Variants in LDB2 observed in about 807,000 individuals in gnomAD.
LDB2 encodes LIM domain binding 2.
LDB2 carries 12 observed loss-of-function variants against 44.3 expected under a neutral mutation model. That is an observed-to-expected ratio of 0.27 (90% CI 0.17 to 0.44). LDB2 has a LOEUF of 0.44. LDB2 is among the 20% of genes least tolerant of loss of function. The probability of loss-of-function intolerance (pLI) is 1.00; values close to 1 mark genes in which losing one functional copy is unlikely to be tolerated. For missense variants in LDB2, 344 were observed against 473.5 expected (o/e 0.73, Z 2.54); for synonymous variants, 164 against 174.8 (o/e 0.94, Z 0.49).
chr4:16,785,947 A>G (rs1774331222), intron 1 of LDB2, among the ~76,000 whole-genome samples: 2 of 152,180 alleles, frequency 1.3e-5, no homozygotes, highest in Admixed American at 6.5e-5. Flanking sequence ...GACTCTCCCC[A>G]AAATGAATTA....
At chr4:16,669,551 G>A (rs774280108) in intron 2 of LDB2, among the ~76,000 whole-genome samples, 10 of 152,138 alleles carry the variant, frequency 6.6e-5, no homozygotes, top group Non-Finnish European at 8.8e-5. Flanking sequence ...TCTCATATAC[G>A]TTGACAAATA....
intron 5 of LDB2, among the ~76,000 whole-genome samples, chr4:16,553,226 C>T (rs561981928): frequency 1.3e-5 from 2 of 152,184 alleles, no homozygotes; most frequent in Admixed American, 6.5e-5. Flanking sequence ...AATCATAGCT[C>T]ATTGCAGCCT....
At chr4:16,596,413 G>A (rs77509070) in intron 2 of LDB2, among the ~76,000 whole-genome samples, 134 of 152,176 alleles carry the variant, frequency 8.8e-4, no homozygotes, top group African/African-American at 3.0e-3. Context: ...ACTGAGATCC[G>A]AAAATGTTAT....
chr4:16,824,614 C>T (rs1249601317), intron 1 of LDB2, among the ~76,000 whole-genome samples: 2 of 152,224 alleles, frequency 1.3e-5, no homozygotes, highest in African/African-American at 4.8e-5. Context: ...TGAACCTACA[C>T]CTATGTGGTC....
intron 2 of LDB2, among the ~76,000 whole-genome samples, chr4:16,754,659 G>A (rs558348506): frequency 6.6e-6 from 1 of 152,008 alleles, no homozygotes; most frequent in East Asian, 1.9e-4. Context: ...AGCCTCCCAA[G>A]TGGCTGGGAC....
intron 2 of LDB2, among the ~76,000 whole-genome samples, chr4:16,727,650 C>A (rs998533382): frequency 1.3e-5 from 2 of 152,156 alleles, no homozygotes; most frequent in Non-Finnish European, 2.9e-5. Flanking sequence ...CTGAAATATT[C>A]GTTTTGCCTT....
chr4:16,608,241 G>T (rs1724513143), intron 2 of LDB2, among the ~76,000 whole-genome samples: 1 of 147,362 alleles, frequency 6.8e-6, no homozygotes, highest in African/African-American at 2.5e-5. Context: ...CTATTTGCAT[G>T]CCAGGTCAGC....
At chr4:16,540,314 T>C (rs915961691) in intron 5 of LDB2, among the ~76,000 whole-genome samples, 1 of 152,144 alleles carries the variant, frequency 6.6e-6, no homozygotes. Context: ...TACTGCAACC[T>C]TGGACATCAT....
In LDB2 at chr4:16,779,385, T is replaced by C. The variant is rs1454107191; in HGVS notation, c.133-20125A>G. Among the ~76,000 whole-genome samples the C allele has an allele frequency of 2.0e-5, 3 of 152,222 alleles. No individual in the cohort carries two copies. The East Asian group carries it at 5.8e-4, about 29-fold the overall frequency. ...AGAAACTAAGTGCGCTTTCGAAGCA[T>C]GCATGGCCTGGGTCTGCCTGCAGAT... is the stretch of plus-strand genomic sequence containing the variant. On this transcript the variant is annotated intron_variant, in intron 1 of 7. Transcript: ENST00000304523.
At chr4:16,894,447 TC>T (rs2110545104) in intron 1 of LDB2, among the ~76,000 whole-genome samples, 1 of 152,328 alleles carries the variant, frequency 6.6e-6, no homozygotes, top group Non-Finnish European at 1.5e-5. Context: ...AAAATTTATT[TC>T]CCAGAACAGC....
intron 2 of LDB2, among the ~76,000 whole-genome samples, chr4:16,753,975 C>T (rs1397465630): frequency 1.3e-5 from 2 of 152,188 alleles, no homozygotes; most frequent in African/African-American, 2.4e-5. Flanking sequence ...CCATCAAACC[C>T]TTACGTTTCA....
intron 1 of LDB2, among the ~76,000 whole-genome samples, chr4:16,882,646 C>T (rs972581592): frequency 1.2e-4 from 19 of 152,222 alleles, no homozygotes; most frequent in African/African-American, 4.3e-4. Flanking sequence ...AATGTCTTGA[C>T]GTATCCTTTC....
intron 1 of LDB2, chr4:16,888,668 A>T (rs1415836608): frequency 2.1e-6 from 2 of 954,072 alleles, no homozygotes; most frequent in Admixed American, 1.2e-4. Flanking sequence ...GTTTGGCATT[A>T]CTTACATTAT....
chr4:16,641,989 A>G lies in LDB2; in HGVS notation c.236-46114T>C, dbSNP rs570823464. 1.6e-4 allele frequency among the ~76,000 whole-genome samples: 24 copies of G among 152,348 alleles called. No individual in the cohort carries two copies. In the South Asian group the frequency reaches 4.8e-3, roughly 30 times the overall value. Reference sequence around the variant, plus strand: ...GGCATGACTTAGTATAAAGAAAATTAAGTATCCATAAGTATGTAGAATTAT... The same window carrying G: ...GGCATGACTTAGTATAAAGAAAATTGAGTATCCATAAGTATGTAGAATTAT... On this transcript the variant is annotated intron_variant, in intron 2 of 7. Transcript: ENST00000304523.
At chr4:16,624,257 T>C (rs893951053) in intron 2 of LDB2, among the ~76,000 whole-genome samples, 4 of 152,096 alleles carry the variant, frequency 2.6e-5, no homozygotes, top group African/African-American at 4.8e-5. Context: ...ACACTGAAAT[T>C]TGTGTTTTGT....
At chr4:16,767,330 A>G (rs558462386) in intron 1 of LDB2, among the ~76,000 whole-genome samples, 29 of 152,248 alleles carry the variant, frequency 1.9e-4, no homozygotes, top group Non-Finnish European at 3.1e-4. Context: ...GTGTATATTA[A>G]GGCCTTCATT....
At chr4:16,573,140 A>C (rs1182543325) in intron 5 of LDB2, among the ~76,000 whole-genome samples, 1 of 152,174 alleles carries the variant, frequency 6.6e-6, no homozygotes, top group African/African-American at 2.4e-5. Context: ...TTAGGCATTG[A>C]TGGATTTGTA....
chr4:16,751,190 C>T (rs185763118), intron 2 of LDB2, among the ~76,000 whole-genome samples: 3 of 152,228 alleles, frequency 2.0e-5, no homozygotes, highest in Middle Eastern at 3.4e-3. Flanking sequence ...TAAGCCTGTA[C>T]GTTTGACAAT....
intron 2 of LDB2, among the ~76,000 whole-genome samples, chr4:16,641,260 C>A (rs564343695): frequency 6.6e-6 from 1 of 152,058 alleles, no homozygotes. Context: ...CATAAAGGAG[C>A]TTACCTTTTA....
Sources: allele counts gnomAD v4.1 joint callset (sites outside exome capture counted in the v4.1 genomes callset), GRCh38; gene constraint gnomAD v4.1.1; transcripts MANE v1.5; gene names NCBI Gene and HGNC (gene_info 2026-07-23, HGNC 2026-07-21).